Variants in CEP55 observed in about 807,000 individuals in gnomAD.
CEP55 encodes centrosomal protein 55, also known as centrosomal protein of 55 kDa.
CEP55 carries 57 observed loss-of-function variants against 63.2 expected under a neutral mutation model. The ratio of observed to expected loss-of-function variants is 0.90; its 90% CI spans 0.73 to 1.13. The LOEUF (loss-of-function observed/expected upper bound fraction) is 1.13, where lower values mean the gene tolerates loss of function less well. Among genes scored for constraint, CEP55 ranks in the 50% most tolerant of loss-of-function variants. CEP55 has a pLI of 0.00. For synonymous variants in CEP55, 178 were observed against 191.6 expected, an observed-to-expected ratio of 0.93 and a Z score of 0.59; for missense variants, 456 against 518.9, an observed-to-expected ratio of 0.88 and a Z score of 1.18.
intron 8 of CEP55, 53 bp downstream of exon 8, chr10:93,519,860 C>A (rs763764143): frequency 1.3e-6 from 2 of 1,593,398 alleles, no homozygotes; most frequent in African/African-American, 1.3e-5. Flanking sequence ...ATTTATATAC[C>A]AAATCAGTTC....
In CEP55 at chr10:93,506,091, C is replaced by T. The variant is rs1474658272; in HGVS notation, c.460-897C>T. 5.3e-5 allele frequency among the ~76,000 whole-genome samples: 8 copies of T among 151,678 alleles called. No individual in the cohort carries two copies. The East Asian group carries it at 1.4e-3, about 26-fold the overall frequency. On this transcript the variant is annotated intron_variant, in intron 3 of 8. Coordinates refer to ENST00000371485, the MANE Select transcript of CEP55 (RefSeq NM_018131.5). ...CCCCGACTAGCTGGGACTACAGGTG[C>T]GCTACCATGCCTGGCTAATTTTTGT...
rs1272100694 is a variant in CEP55, at chr10:93,511,849, G to A, written c.529-3556G>A. Among the ~76,000 whole-genome samples, 8 of 151,962 alleles carry A rather than the reference G, an allele frequency of 5.3e-5. No individual in the cohort carries two copies. In the East Asian group the frequency reaches 1.2e-3, roughly 22 times the overall value. On this transcript the variant is annotated intron_variant, in intron 4 of 8. Coordinates refer to ENST00000371485, the MANE Select transcript of CEP55 (RefSeq NM_018131.5). ...GAACTCCTGACCTTGTGATATGCCC[G>A]CCTCGGCCTCCCAAAGTGCTGGGAT... is the stretch of plus-strand genomic sequence containing the variant.
chr10:93,516,902 A>C lies in CEP55; in HGVS notation c.680-33A>C, dbSNP rs766422626. ...TTTCAGGAATATTATTTATTTTATA[A>C]AGTGAGTTGTGCCGTAATGTTGTTT... is the stretch of plus-strand genomic sequence containing the variant. On this transcript the variant is annotated intron_variant, in intron 5 of 8. Transcript: ENST00000371485. 2.9e-6 allele frequency: 4 copies of C among 1,374,784 alleles called. No individual in the cohort carries two copies. In the South Asian group the frequency reaches 5.5e-5, roughly 19 times the overall value. The allele number at this position is 1,374,784 out of a possible 1,614,324, so 85.2% of individuals were successfully genotyped here. A position where few individuals can be genotyped will look rare whatever the true frequency, so the allele number is the denominator to read the frequency against.
intron 8 of CEP55, among the ~76,000 whole-genome samples, chr10:93,524,621 G>T (rs924578880): frequency 3.3e-5 from 5 of 152,114 alleles, no homozygotes; most frequent in Non-Finnish European, 5.9e-5. Context: ...CCAAAGACTG[G>T]CAGAGACACA....
chr10:93,519,845 C>G (rs2134491270), intron 8 of CEP55, 38 bp downstream of exon 8: 1 of 1,610,768 alleles, frequency 6.2e-7, no homozygotes, highest in Non-Finnish European at 8.5e-7. Context: ...TTGTCTTCGT[C>G]TTCCATTTAT....
rs12771644 is a variant in CEP55 at position 93,497,473 on chromosome 10, G to T, written c.-13+550G>T. On this transcript the variant is annotated intron_variant, in intron 1 of 8. Transcript: ENST00000371485. ...TAGAGACAGGGTTTCGCCATGTTGGGCAGGCTGGTCTCGAACTCCTGACCT... is the reference window on the plus strand; with the variant it reads ...TAGAGACAGGGTTTCGCCATGTTGGTCAGGCTGGTCTCGAACTCCTGACCT... 2.0e-5 allele frequency among the ~76,000 whole-genome samples: 3 copies of T among 151,748 alleles called. No homozygotes were observed. In the East Asian group the frequency reaches 5.9e-4, roughly 30 times the overall value.
intron 2 of CEP55, 51 bp downstream of exon 2, chr10:93,500,285 C>A: frequency 1.4e-6 from 2 of 1,436,702 alleles, no homozygotes; most frequent in Middle Eastern, 1.8e-4. Flanking sequence ...GAAAGCGATG[C>A]ATGAAGATTT....
At chr10:93,527,813 C>G (rs780352847) in intron 8 of CEP55, 137 bp from the exon 9 acceptor site, 1 of 689,696 alleles carries the variant, frequency 1.4e-6, no homozygotes, top group Non-Finnish European at 2.5e-6. Flanking sequence ...CCTGGGAGGT[C>G]GAGGCTGCAG....
chr10:93,502,296 T>C (rs2057643611), intron 2 of CEP55, among the ~76,000 whole-genome samples: 1 of 152,226 alleles, frequency 6.6e-6, no homozygotes, highest in Non-Finnish European at 1.5e-5. Context: ...GGCTCTGTTA[T>C]CTGTCTCATA....
intron 2 of CEP55, 73 bp downstream of exon 2, chr10:93,500,307 C>A (rs190631569): frequency 1.6e-6 from 2 of 1,213,546 alleles, no homozygotes; most frequent in African/African-American, 1.5e-5. Context: ...CTGATGCTAC[C>A]TTCTTACTCT....
At chr10:93,525,860 G>A (rs1317747175) in intron 8 of CEP55, among the ~76,000 whole-genome samples, 2 of 151,802 alleles carry the variant, frequency 1.3e-5, no homozygotes, top group East Asian at 3.8e-4. Context: ...TTAATAAATG[G>A]TGCTGGGAAA....
At chr10:93,500,286 A>G in intron 2 of CEP55, 52 bp downstream of exon 2, 1 of 1,437,310 alleles carries the variant, frequency 7.0e-7, no homozygotes, top group Non-Finnish European at 9.6e-7. Context: ...AAAGCGATGC[A>G]TGAAGATTTC....
At chr10:93,510,271 A>G (rs1035493142) in intron 4 of CEP55, among the ~76,000 whole-genome samples, 1 of 152,236 alleles carries the variant, frequency 6.6e-6, no homozygotes, top group African/African-American at 2.4e-5. Context: ...TCTTGCTCTT[A>G]AATTCAAATA....
intron 2 of CEP55, among the ~76,000 whole-genome samples, 199 bp from the exon 3 acceptor site, chr10:93,502,914 C>T (rs1201952235): frequency 2.0e-5 from 3 of 152,178 alleles, no homozygotes; most frequent in Non-Finnish European, 4.4e-5. Context: ...GCACTTACAA[C>T]GTTGCATTAA....
chr10:93,514,100 T>C (rs1355326858), intron 4 of CEP55, among the ~76,000 whole-genome samples: 1 of 152,110 alleles, frequency 6.6e-6, no homozygotes, highest in African/African-American at 2.4e-5. Context: ...CGTGCCACCA[T>C]GCCCGGCTAA....
intron 8 of CEP55, among the ~76,000 whole-genome samples, chr10:93,522,179 A>G (rs2057871599): frequency 6.6e-6 from 1 of 152,218 alleles, no homozygotes; most frequent in South Asian, 2.1e-4. Context: ...AAAGAAGTTG[A>G]AAACCTTGAA....
Position 93,505,958 on chromosome 10 carries a change from C to T in CEP55, c.460-1030C>T, listed in dbSNP as rs2057684280. ...TGTTAGCCAGGCTGGTCTTGAACTC[C>T]TGACCTCAGGTGATCTGCCTGCCTC... On this transcript the variant is annotated intron_variant, in intron 3 of 8. Transcript: ENST00000371485. 2.0e-5 allele frequency among the ~76,000 whole-genome samples: 3 copies of T among 152,114 alleles called. No homozygotes were observed. In the South Asian group the frequency reaches 6.2e-4, roughly 31 times the overall value.
intron 4 of CEP55, among the ~76,000 whole-genome samples, chr10:93,512,054 C>A (rs1390497972): frequency 6.6e-6 from 1 of 150,664 alleles, no homozygotes; most frequent in Non-Finnish European, 1.5e-5. Context: ...CATGGTGATA[C>A]CCCGTCTCTA....
intron 4 of CEP55, among the ~76,000 whole-genome samples, chr10:93,508,867 C>T (rs541487738): frequency 5.9e-5 from 9 of 152,306 alleles, no homozygotes; most frequent in African/African-American, 2.2e-4. Context: ...CCCTCCTCAT[C>T]ACATTCTACA....
Sources: allele counts gnomAD v4.1 joint callset (sites outside exome capture counted in the v4.1 genomes callset), GRCh38; gene constraint gnomAD v4.1.1; transcripts MANE v1.5; gene names NCBI Gene and HGNC (gene_info 2026-07-23, HGNC 2026-07-21).